Variants in ZNF398 observed in about 807,000 individuals in gnomAD.
ZNF398 encodes zinc finger protein 398, also known as zinc finger DNA binding protein ZER6.
In ZNF398, 18 loss-of-function variants were observed where a neutral mutation model predicts 41.9. The observed-to-expected ratio is 0.43, with a 90% CI of 0.30 to 0.64. The LOEUF (loss-of-function observed/expected upper bound fraction) is 0.64, where lower values mean the gene tolerates loss of function less well. Ranked by LOEUF, ZNF398 falls within the 30% of genes least tolerant of loss-of-function variation. ZNF398 has a pLI of 0.14. For missense variants in ZNF398, 669 were observed against 822.8 expected (o/e 0.81, Z 2.29); for synonymous variants, 260 against 308.8 (o/e 0.84, Z 1.66).
intron 4 of ZNF398, 95 bp downstream of exon 4, chr7:149,167,025 T>G: frequency 1.3e-6 from 1 of 785,662 alleles, no homozygotes; most frequent in Non-Finnish European, 2.0e-6. Context: ...TCTAGAGCCA[T>G]TCATTGCTAA....
chr7:149,149,594 T>C (rs891681569), intron 1 of ZNF398, among the ~76,000 whole-genome samples: 2 of 152,054 alleles, frequency 1.3e-5, no homozygotes, highest in Non-Finnish European at 2.9e-5. Flanking sequence ...CCCAAGCACT[T>C]CAGGAGGCTG....
At chr7:149,174,089 C>T (rs546267343) in intron 4 of ZNF398, among the ~76,000 whole-genome samples, 13 of 152,062 alleles carry the variant, frequency 8.5e-5, no homozygotes, top group South Asian at 2.1e-4. Context: ...CCACCATGCC[C>T]GGCCTGATGT....
At chr7:149,144,762 TA>T (rs1178863886), upstream of ZNF398, among the ~76,000 whole-genome samples, 4 of 151,864 alleles carry the variant, frequency 2.6e-5, no homozygotes. Flanking sequence ...CTAGTTTTTC[TA>T]TTTTTAGTAG....
chr7:149,168,713 C>T (rs1352088185), intron 4 of ZNF398, among the ~76,000 whole-genome samples: 1 of 152,010 alleles, frequency 6.6e-6, no homozygotes, highest in Admixed American at 6.6e-5. Context: ...GGATTCCACG[C>T]CCGGCTAATT....
intron 4 of ZNF398, among the ~76,000 whole-genome samples, chr7:149,175,754 G>A (rs1326811001): frequency 2.6e-5 from 4 of 151,996 alleles, no homozygotes; most frequent in African/African-American, 9.7e-5. Flanking sequence ...GTGCGATCTC[G>A]GCTCACTGCA....
intron 4 of ZNF398, among the ~76,000 whole-genome samples, chr7:149,173,871 G>A (rs62505098): frequency 0.099 from 13,631 of 137,372 alleles, 842 homozygotes; most frequent in South Asian, 0.17. Context: ...TCGGCTCACC[G>A]CAACCTCCGC....
chr7:149,140,679 A>G (rs560567659), intron 2 of ZNF398, among the ~76,000 whole-genome samples: 21 of 152,020 alleles, frequency 1.4e-4, no homozygotes, highest in Non-Finnish European at 2.4e-4. Context: ...CCACCACGCC[A>G]GGCCCATAAA....
exon 1 of ZNF398, chr7:149,126,530 G>A (rs1444364613): frequency 4.1e-6 from 2 of 482,858 alleles, no homozygotes; most frequent in Admixed American, 4.1e-5. Context: ...AAGACGAGAT[G>A]AGGGAGCTGA....
intron 2 of ZNF398, among the ~76,000 whole-genome samples, chr7:149,131,472 G>C (rs1018710562): frequency 6.6e-6 from 1 of 152,152 alleles, no homozygotes; most frequent in Admixed American, 6.6e-5. Flanking sequence ...TGGATCACGA[G>C]ATCAGGAGAT....
chr7:149,153,814 C>G (rs1001058450), intron 1 of ZNF398, 131 bp from the exon 2 acceptor site: 2 of 1,100,100 alleles, frequency 1.8e-6, no homozygotes, highest in Non-Finnish European at 2.5e-6. Flanking sequence ...ATGAGGCATA[C>G]GCAGGCAGTA....
intron 1 of ZNF398, among the ~76,000 whole-genome samples, chr7:149,127,739 CAAAA>C (rs146998030): frequency 6.6e-6 from 1 of 151,836 alleles, no homozygotes; most frequent in Non-Finnish European, 1.5e-5. Context: ...AACAAACAAA[CAAAA>C]AAACTAACGT....
intron 2 of ZNF398, among the ~76,000 whole-genome samples, chr7:149,155,717 T>TTTTTTTA (rs1794957065): frequency 3.8e-5 from 1 of 26,476 alleles, no homozygotes; most frequent in Non-Finnish European, 9.1e-5. Flanking sequence ...ATTTTTTTTT[T>TTTTTTTA]TTTTTTTTTT....
At position 149,147,838 on chromosome 7, in the gene ZNF398, G is replaced by T; in HGVS notation, c.24+72G>T. 7.6e-7 allele frequency: 1 copy of T among 1,312,782 alleles called. No individual in the cohort carries two copies. The allele number at this position is 1,312,782 out of a possible 1,614,324, so 81.3% of individuals were successfully genotyped here. A position where few individuals can be genotyped will look rare whatever the true frequency, so the allele number is the denominator to read the frequency against. On this transcript the variant is annotated intron_variant, in intron 1 of 5. Coordinates refer to ENST00000475153, the MANE Select transcript of ZNF398 (RefSeq NM_170686.3). This position sits in a 1 kb window ranked among gnomAD's most constrained non-coding sequence, Gnocchi z 5.6. ...CCCGAGGGAGGAAGGCGGGCGGGCA[G>T]GGAGCTGCCAGGCATAGGCGCCGTT...
At chr7:149,176,983 C>G (rs531006819) in intron 5 of ZNF398, among the ~76,000 whole-genome samples, 1 of 152,142 alleles carries the variant, frequency 6.6e-6, no homozygotes, top group South Asian at 2.1e-4. Flanking sequence ...AGAGCCCTCC[C>G]TCAGTGAAAG....
In ZNF398 at chr7:149,178,856, G is replaced by C; in HGVS notation, c.984G>C (p.Gln328His). ...CTGAGGGACAAGTGACTTTTACTCAGTTGGGTAGCTATCCCCTCCCACCTC... is the reference window on the plus strand; with the variant it reads ...CTGAGGGACAAGTGACTTTTACTCACTTGGGTAGCTATCCCCTCCCACCTC... ...EASEGQVTFT[Q>H]LGSYPLPPPV... The change falls in exon 6 of 6, where the codon CAG (glutamine) becomes CAC (histidine). Residue 328 changes from glutamine (Q) to histidine (H), a missense_variant. Gln to His is a conservative substitution (Grantham distance 24, BLOSUM62 0). Around this residue, in one of 3 missense-constraint regions of ZNF398, gnomAD observed 290 missense variants for 292.9 expected, o/e 0.99. Coordinates refer to ENST00000475153, the MANE Select transcript of ZNF398 (RefSeq NM_170686.3). The C allele has an allele frequency of 1.2e-6, 2 of 1,614,132 alleles. No individual in the cohort carries two copies. Among genetic ancestry groups the C allele is most frequent in the South Asian group, 2.2e-5 (2 of 91,084 alleles).
At chr7:149,148,729 ACT>A (rs1827026433) in intron 1 of ZNF398, among the ~76,000 whole-genome samples, 5 of 152,044 alleles carry the variant, frequency 3.3e-5, no homozygotes, top group Admixed American at 2.6e-4. Context: ...CGCATACAAA[ACT>A]CTAAATCAAG....
intron 1 of ZNF398, among the ~76,000 whole-genome samples, chr7:149,150,273 A>G (rs578094627): frequency 3.9e-5 from 6 of 152,266 alleles, no homozygotes; most frequent in Non-Finnish European, 8.8e-5. Flanking sequence ...CTTACTACTC[A>G]GTGTCAGCAT....
At chr7:149,174,041 G>A (rs1367858341) in intron 4 of ZNF398, among the ~76,000 whole-genome samples, 17 of 151,800 alleles carry the variant, frequency 1.1e-4, no homozygotes, top group African/African-American at 3.1e-4. Flanking sequence ...TGATCCGCCC[G>A]CCTTGGCCTC....
intron 1 of ZNF398, chr7:149,148,088 G>A (rs936729327): frequency 3.5e-5 from 11 of 313,748 alleles, no homozygotes; most frequent in African/African-American, 1.9e-4. Flanking sequence ...CGCCAGACGC[G>A]CAGCGGGGTT....
Sources: gnomAD v4.1 joint callset for allele counts (sites outside exome capture counted in the v4.1 genomes callset) on GRCh38, gnomAD v4.1.1 for gene constraint, gnomAD v4.1.1 regional missense constraint, Gnocchi (gnomAD v3.1) non-coding constraint, MANE v1.5 for transcripts, NCBI Gene and HGNC (gene_info 2026-07-23, HGNC 2026-07-21) for gene names.